The following QTMAN variants were observed in gnomAD, a reference collection of about 807,000 sequenced individuals.
The protein encoded by QTMAN is queuosine-tRNA mannosyltransferase, also known as tRNA-queuosine alpha-mannosyltransferase.
chr2:144,188,051 G>A, the QTMAN span, among the ~76,000 whole-genome samples: 2 of 151,158 alleles, frequency 1.3e-5, no homozygotes, highest in Admixed American at 1.3e-4. Context: ...GGCAAGGAAG[G>A]ATTCATCCCT....
At chr2:144,317,376 A>AGGAT in the QTMAN span, 695 of 120,112 alleles carry the variant, frequency 5.8e-3, 2 homozygotes, top group African/African-American at 0.02. Context: ...GAAGGAAGGA[A>AGGAT]GGAAGGATGG....
At chr2:144,250,300 T>C in the QTMAN span, among the ~76,000 whole-genome samples, 1 of 151,924 alleles carries the variant, frequency 6.6e-6, no homozygotes. Context: ...TGCACCATCA[T>C]GCCCAGCTAA....
the QTMAN span, among the ~76,000 whole-genome samples, chr2:144,195,001 C>CAT: frequency 6.6e-6 from 1 of 152,070 alleles, no homozygotes; most frequent in Admixed American, 6.6e-5. Flanking sequence ...AAATATAAGG[C>CAT]ATATCAAAAG....
At chr2:143,957,316 C>A in the QTMAN span, 1 of 1,590,354 alleles carries the variant, frequency 6.3e-7, no homozygotes, top group Non-Finnish European at 8.5e-7. Context: ...GATCCCAATG[C>A]CTTTTTGGCC....
the QTMAN span, among the ~76,000 whole-genome samples, chr2:144,307,948 A>C: frequency 6.6e-6 from 1 of 152,228 alleles, no homozygotes; most frequent in African/African-American, 2.4e-5. Flanking sequence ...AAATTCCCAG[A>C]AGTATTTTGT....
At chr2:144,107,096 C>T in the QTMAN span, among the ~76,000 whole-genome samples, 1 of 152,206 alleles carries the variant, frequency 6.6e-6, no homozygotes, top group Non-Finnish European at 1.5e-5. Flanking sequence ...CTCTGGGACA[C>T]ATTTAAAGCA....
the QTMAN span, among the ~76,000 whole-genome samples, chr2:144,242,529 T>G: frequency 6.6e-6 from 1 of 152,198 alleles, no homozygotes; most frequent in Admixed American, 6.5e-5. Flanking sequence ...AGAAACAGAC[T>G]GCCAAATGTT....
the QTMAN span, among the ~76,000 whole-genome samples, chr2:144,104,162 C>A: frequency 1.3e-5 from 2 of 152,048 alleles, no homozygotes. Context: ...TAGGTCCAGT[C>A]TACAGCTCCC....
chr2:144,268,797 A>ATT, the QTMAN span, among the ~76,000 whole-genome samples: 3 of 150,772 alleles, frequency 2.0e-5, no homozygotes, highest in Middle Eastern at 3.4e-3. Context: ...CCAAATTTCC[A>ATT]TTTTTTTTTG....
the QTMAN span, chr2:144,006,841 G>A: frequency 2.6e-5 from 5 of 189,558 alleles, no homozygotes; most frequent in Non-Finnish European, 4.3e-5. Flanking sequence ...ATATGAAATA[G>A]TTTTGTGATA....
chr2:143,957,291 C>T, the QTMAN span: 4 of 1,609,250 alleles, frequency 2.5e-6, no homozygotes, highest in Admixed American at 6.8e-5. Flanking sequence ...TAAGTAGCCC[C>T]AGTGTAAGAC....
the QTMAN span, chr2:144,141,733 G>A: frequency 3.7e-6 from 2 of 546,584 alleles, no homozygotes; most frequent in Admixed American, 6.0e-5. Flanking sequence ...TAAAATCTTT[G>A]TAAATCACAG....
At chr2:144,286,894 T>C in the QTMAN span, among the ~76,000 whole-genome samples, 2 of 152,376 alleles carry the variant, frequency 1.3e-5, no homozygotes, top group South Asian at 4.1e-4. Flanking sequence ...TATTTTTTTA[T>C]AGCTTCACAT....
At chr2:143,983,037 A>T in the QTMAN span, among the ~76,000 whole-genome samples, 1 of 152,176 alleles carries the variant, frequency 6.6e-6, no homozygotes, top group East Asian at 1.9e-4. Context: ...TGACAATTTT[A>T]AATGTATATT....
chr2:143,979,016 C>T, the QTMAN span, among the ~76,000 whole-genome samples: 1 of 152,170 alleles, frequency 6.6e-6, no homozygotes, highest in Admixed American at 6.5e-5. Flanking sequence ...TGTATTTCTA[C>T]CTCTTGGATA....
At chr2:144,083,417 A>G in the QTMAN span, among the ~76,000 whole-genome samples, 1 of 152,178 alleles carries the variant, frequency 6.6e-6, no homozygotes, top group Non-Finnish European at 1.5e-5. Flanking sequence ...CTGAGTCACC[A>G]CTGCCAGTGC....
chr2:144,034,765 A>G, the QTMAN span, among the ~76,000 whole-genome samples: 1 of 152,172 alleles, frequency 6.6e-6, no homozygotes, highest in Non-Finnish European at 1.5e-5. Context: ...CATCTCCTTC[A>G]AATTACCTGG....
the QTMAN span, among the ~76,000 whole-genome samples, chr2:144,272,103 G>A: frequency 3.3e-5 from 5 of 151,958 alleles, no homozygotes; most frequent in East Asian, 3.9e-4. Flanking sequence ...AGTAATCAGC[G>A]TACTGTAATC....
the QTMAN span, among the ~76,000 whole-genome samples, chr2:144,243,984 A>G: frequency 5.3e-5 from 8 of 152,222 alleles, no homozygotes; most frequent in Non-Finnish European, 7.3e-5. Context: ...GTCAAGAAAC[A>G]AAAAAGTTGT....
Sources: allele counts gnomAD v4.1 joint callset (sites outside exome capture counted in the v4.1 genomes callset), GRCh38; gene constraint gnomAD v4.1.1; transcripts MANE v1.5; gene names NCBI Gene and HGNC (gene_info 2026-07-23, HGNC 2026-07-21).